The following SPATA16 variants were observed in gnomAD, a reference collection of about 807,000 sequenced individuals.
SPATA16 encodes spermatogenesis-associated protein 16.
Under a neutral mutation model 63.3 loss-of-function variants are expected in SPATA16, and 36 were observed. That is an observed-to-expected ratio of 0.57 (90% CI 0.44 to 0.75). SPATA16 has a LOEUF of 0.75. Ranked by LOEUF, SPATA16 falls within the 30% of genes least tolerant of loss-of-function variation. SPATA16 has a pLI of 0.00. For missense variants in SPATA16, 646 were observed against 679.3 expected (o/e 0.95, Z 0.54); for synonymous variants, 203 against 216.7 (o/e 0.94, Z 0.56).
intron 2 of SPATA16, among the ~76,000 whole-genome samples, chr3:173,109,543 A>G (rs1038499374): frequency 2.6e-5 from 4 of 152,152 alleles, no homozygotes; most frequent in Non-Finnish European, 4.4e-5. Flanking sequence ...TCAATAATCA[A>G]CTCTCATCTA....
intron 2 of SPATA16, among the ~76,000 whole-genome samples, chr3:173,062,981 C>A (rs1365830654): frequency 6.6e-6 from 1 of 152,190 alleles, no homozygotes; most frequent in Non-Finnish European, 1.5e-5. Flanking sequence ...CGCTGGCCCC[C>A]CACTCACCTC....
intron 2 of SPATA16, among the ~76,000 whole-genome samples, chr3:173,081,681 AAC>A (rs1391017540): frequency 3.3e-5 from 5 of 152,200 alleles, no homozygotes; most frequent in African/African-American, 1.2e-4. Context: ...AGTAAATGAA[AAC>A]ACAGATCTTC....
intron 2 of SPATA16, among the ~76,000 whole-genome samples, chr3:173,110,460 T>G (rs1041670885): frequency 7.2e-5 from 11 of 152,228 alleles, no homozygotes; most frequent in African/African-American, 2.2e-4. Context: ...GTTTGGGCTA[T>G]GGATGTTAAA....
At position 172,984,807 on chromosome 3, in the gene SPATA16, C is replaced by T. The variant is rs145343568; in HGVS notation, c.849-7755G>A. ...CAAATATTGCCTGTTCCTAGATTCT[C>T]AATTGGTAACAACAAAAAACAACGG... On this transcript the variant is annotated intron_variant, in intron 4 of 10. Transcript: ENST00000351008. Among the ~76,000 whole-genome samples the T allele has an allele frequency of 1.9e-3, 295 of 152,266 alleles. 1 individual carries two copies. Among genetic ancestry groups the T allele is most frequent in the African/African-American group, 6.7e-3 (278 of 41,558 alleles).
chr3:173,085,123 A>T (rs554224366), intron 2 of SPATA16, among the ~76,000 whole-genome samples: 1 of 152,172 alleles, frequency 6.6e-6, no homozygotes, highest in Non-Finnish European at 1.5e-5. Flanking sequence ...GGCCATTTTC[A>T]TGATATTGAT....
chr3:173,009,913 G>A (rs1045919492), intron 4 of SPATA16, among the ~76,000 whole-genome samples: 4 of 152,238 alleles, frequency 2.6e-5, no homozygotes, highest in Non-Finnish European at 4.4e-5. Flanking sequence ...ATACCCTTTA[G>A]ACGTTTCCCT....
intron 2 of SPATA16, among the ~76,000 whole-genome samples, chr3:173,065,627 G>A (rs1248820158): frequency 6.6e-6 from 1 of 152,170 alleles, no homozygotes; most frequent in Non-Finnish European, 1.5e-5. Context: ...AGAAAGTCTT[G>A]CATTGCCTAC....
At chr3:172,974,691 T>G (rs545891762) in intron 5 of SPATA16, among the ~76,000 whole-genome samples, 1 of 152,248 alleles carries the variant, frequency 6.6e-6, no homozygotes, top group African/African-American at 2.4e-5. Flanking sequence ...TCTAATTATA[T>G]TGCTTCTTTT....
At chr3:173,086,680 A>G (rs1004359929) in intron 2 of SPATA16, among the ~76,000 whole-genome samples, 1 of 152,190 alleles carries the variant, frequency 6.6e-6, no homozygotes. Flanking sequence ...ATTTAGTGCT[A>G]TAAATTTCCC....
chr3:172,917,426 G>A (rs564126110), intron 8 of SPATA16, among the ~76,000 whole-genome samples: 44 of 152,296 alleles, frequency 2.9e-4, no homozygotes, highest in Middle Eastern at 3.4e-3. Flanking sequence ...TTTGGCAATT[G>A]CATTTTACAT....
chr3:173,091,463 G>A (rs1423841889), intron 2 of SPATA16, among the ~76,000 whole-genome samples: 3 of 151,742 alleles, frequency 2.0e-5, no homozygotes, highest in Non-Finnish European at 4.4e-5. Context: ...TTGGCTCTTG[G>A]TTTTTCTTCA....
At chr3:173,030,478 T>C (rs1735579901) in intron 3 of SPATA16, among the ~76,000 whole-genome samples, 1 of 152,080 alleles carries the variant, frequency 6.6e-6, no homozygotes, top group Non-Finnish European at 1.5e-5. Flanking sequence ...TATGAAAAGA[T>C]GTTTACATCA....
intron 2 of SPATA16, among the ~76,000 whole-genome samples, chr3:173,104,299 G>A (rs552437482): frequency 4.6e-5 from 7 of 152,154 alleles, no homozygotes; most frequent in South Asian, 2.1e-4. Flanking sequence ...TTCCAAAGTC[G>A]CTTCCACAAT....
chr3:173,065,782 G>A (rs1327656968), intron 2 of SPATA16, among the ~76,000 whole-genome samples: 1 of 152,202 alleles, frequency 6.6e-6, no homozygotes, highest in African/African-American at 2.4e-5. Context: ...GCAGAAATCT[G>A]CTGGAGTATT....
chr3:172,963,042 A>AAG, intron 5 of SPATA16, among the ~76,000 whole-genome samples: 1 of 152,152 alleles, frequency 6.6e-6, no homozygotes, highest in East Asian at 1.9e-4. Flanking sequence ...TCGTTTATGT[A>AAG]ATAGTCAAGA....
chr3:173,080,945 T>C (rs887081935), intron 2 of SPATA16, among the ~76,000 whole-genome samples: 3 of 152,166 alleles, frequency 2.0e-5, no homozygotes, highest in Non-Finnish European at 4.4e-5. Context: ...TCTCTGAAGG[T>C]ACACTGTGAG....
intron 2 of SPATA16, among the ~76,000 whole-genome samples, chr3:173,102,374 C>T (rs1017022185): frequency 3.3e-5 from 5 of 152,194 alleles, no homozygotes; most frequent in Non-Finnish European, 2.9e-5. Flanking sequence ...AAAGAAAAGA[C>T]ATTTAATTGG....
At chr3:172,928,151 C>T (rs1818046) in intron 6 of SPATA16, among the ~76,000 whole-genome samples, 77,281 of 151,572 alleles carry the variant, frequency 0.51, 22,837 homozygotes, top group South Asian at 0.67. Context: ...TCAGGTGATC[C>T]GCCCAACACA....
At chr3:173,137,123 A>G (rs1244813282) in intron 1 of SPATA16, among the ~76,000 whole-genome samples, 8 of 152,228 alleles carry the variant, frequency 5.3e-5, no homozygotes. Context: ...TGCCTCTGCC[A>G]TCACTGTACA....
Sources: gnomAD v4.1 joint callset for allele counts (sites outside exome capture counted in the v4.1 genomes callset) on GRCh38, gnomAD v4.1.1 for gene constraint, MANE v1.5 for transcripts, NCBI Gene and HGNC (gene_info 2026-07-23, HGNC 2026-07-21) for gene names.